Variants in MXI1 observed in about 807,000 individuals in gnomAD.
The protein encoded by MXI1 is max-interacting protein 1.
A neutral mutation model predicts 36.9 loss-of-function variants in MXI1; 18 were observed. The observed-to-expected ratio is 0.49, with a 90% CI of 0.34 to 0.72. The LOEUF is 0.72. Ranked by LOEUF, MXI1 falls within the 30% of genes least tolerant of loss-of-function variation. The pLI, the probability that MXI1 is intolerant of heterozygous loss-of-function variation, is 0.01. For synonymous variants in MXI1, 160 were observed against 146.7 expected (o/e 1.09, Z -0.65); for missense variants, 304 against 379.1 (o/e 0.80, Z 1.64).
intron 3 of MXI1, among the ~76,000 whole-genome samples, chr10:110,256,736 G>T (rs537000276): frequency 6.6e-5 from 10 of 152,078 alleles, no homozygotes; most frequent in Non-Finnish European, 1.3e-4. Context: ...ACCATCTAGG[G>T]TTGCTCACCA....
At chr10:110,281,506 A>G (rs1165197797) in intron 5 of MXI1, among the ~76,000 whole-genome samples, 1 of 152,174 alleles carries the variant, frequency 6.6e-6, no homozygotes, top group Non-Finnish European at 1.5e-5. Context: ...ATATTAATCT[A>G]TAATAATTTT....
intron 1 of MXI1, among the ~76,000 whole-genome samples, chr10:110,219,040 C>T (rs1330324398): frequency 1.3e-5 from 2 of 152,222 alleles, no homozygotes; most frequent in Non-Finnish European, 2.9e-5. Context: ...TGGCTCATGC[C>T]TGTAATCCCA....
In MXI1 at chr10:110,286,805, T is replaced by C. The variant is rs182572924; in HGVS notation, c.*1818T>C. 1.3e-5 allele frequency: 2 copies of C among 152,348 alleles called. No homozygotes were observed. The highest frequency in any genetic ancestry group is 1.3e-4 in the Admixed American group (2 of 15,304). 9.4% of individuals were successfully genotyped at this position (152,348 alleles called of 1,614,324 possible). Reference sequence around the variant, plus strand: ...TTTCCTTGATTGTGCTATGTTTCAGTGGAAGAAATTCTTTGAAGTAGATGT... The same window carrying C: ...TTTCCTTGATTGTGCTATGTTTCAGCGGAAGAAATTCTTTGAAGTAGATGT... On this transcript the variant is annotated 3_prime_UTR_variant, in exon 6 of 6. Coordinates refer to ENST00000332674, the MANE Select transcript of MXI1 (RefSeq NM_130439.3).
chr10:110,261,348 T>G (rs762414723), intron 3 of MXI1, among the ~76,000 whole-genome samples: 2 of 152,062 alleles, frequency 1.3e-5, no homozygotes, highest in Admixed American at 6.6e-5. Flanking sequence ...TATGCTGTGT[T>G]TAATTGCAGC....
chr10:110,277,465 C>T (rs1235643658), intron 3 of MXI1, among the ~76,000 whole-genome samples: 1 of 152,060 alleles, frequency 6.6e-6, no homozygotes, highest in Non-Finnish European at 1.5e-5. Flanking sequence ...TTTTTTTGGT[C>T]TGCTGAGCAA....
chr10:110,279,425 C>T (rs1167720315), intron 4 of MXI1, 131 bp downstream of exon 4: 2 of 728,792 alleles, frequency 2.7e-6, no homozygotes, highest in Non-Finnish European at 2.3e-6. Flanking sequence ...AGAAGTCTTT[C>T]TAAAAACTTA....
At chr10:110,214,021 C>T (rs1048176808) in intron 1 of MXI1, among the ~76,000 whole-genome samples, 9 of 152,188 alleles carry the variant, frequency 5.9e-5, no homozygotes, top group African/African-American at 1.9e-4. Flanking sequence ...CCCTCTTTTA[C>T]GGAGGAGGGA....
rs573003279 is a variant in MXI1 at position 110,255,648 on chromosome 10, T to TA, written c.437+10792dup. On this transcript the variant is annotated intron_variant, in intron 3 of 5. Transcript: ENST00000332674. ...TACACTGAAAACTATTAATACAAAA[T>TA]ACTTTTGAAATAAATTAAGGAAGAC... is the stretch of plus-strand genomic sequence containing the variant. Among the ~76,000 whole-genome samples the TA allele has an allele frequency of 2.0e-5, 3 of 152,276 alleles. No homozygotes were observed. The South Asian group carries it at 6.2e-4, about 32-fold the overall frequency.
intron 3 of MXI1, among the ~76,000 whole-genome samples, chr10:110,253,331 C>T (rs924779452): frequency 1.3e-4 from 19 of 151,840 alleles, no homozygotes; most frequent in Admixed American, 4.6e-4. Flanking sequence ...TTTTGGTCTG[C>T]CTTATCTTAG....
At chr10:110,262,136 T>C (rs573864960) in intron 3 of MXI1, among the ~76,000 whole-genome samples, 5 of 152,200 alleles carry the variant, frequency 3.3e-5, no homozygotes, top group South Asian at 2.1e-4. Context: ...CATCCATGGA[T>C]TCAAACGACT....
chr10:110,261,122 A>C, intron 3 of MXI1: 1 of 985,222 alleles, frequency 1.0e-6, no homozygotes, highest in Non-Finnish European at 1.2e-6. Context: ...GTCTATAAAC[A>C]ATCTGAAGAG....
intron 1 of MXI1, among the ~76,000 whole-genome samples, chr10:110,218,057 T>G (rs1420295369): frequency 6.6e-6 from 1 of 152,114 alleles, no homozygotes; most frequent in Non-Finnish European, 1.5e-5. Context: ...TAATAAATAG[T>G]GGAGTAGAGA....
At chr10:110,271,226 G>C (rs1244963741) in intron 3 of MXI1, among the ~76,000 whole-genome samples, 1 of 151,932 alleles carries the variant, frequency 6.6e-6, no homozygotes, top group Non-Finnish European at 1.5e-5. Context: ...AAAAAAAAAA[G>C]GTTAAGAGTT....
intron 3 of MXI1, among the ~76,000 whole-genome samples, chr10:110,270,303 A>AG (rs1856816021): frequency 6.6e-6 from 1 of 152,222 alleles, no homozygotes; most frequent in Non-Finnish European, 1.5e-5. Flanking sequence ...CAGATAAGAG[A>AG]GGGGAAGTAT....
chr10:110,277,176 A>G (rs1857064769), intron 3 of MXI1, among the ~76,000 whole-genome samples: 1 of 152,224 alleles, frequency 6.6e-6, no homozygotes, highest in South Asian at 2.1e-4. Context: ...AAAATAAAAG[A>G]TAATTCTTAC....
intron 1 of MXI1, among the ~76,000 whole-genome samples, chr10:110,225,791 G>A (rs879603307): frequency 1.2e-4 from 19 of 152,238 alleles, no homozygotes; most frequent in Admixed American, 4.6e-4. Flanking sequence ...CCTAGAGACA[G>A]GAAAGGAAAC....
chr10:110,285,068 G>A lies in MXI1; in HGVS notation c.*81G>A. The stretch of plus-strand genomic sequence containing the variant: ...AAACAATCTCTTAAATTGGGTTCAT[G>A]ATGCAGTCTCCTCTTTAAAACAAAA... On this transcript the variant is annotated 3_prime_UTR_variant, in exon 6 of 6. Transcript: ENST00000332674. 7.4e-7 allele frequency: 1 copy of A among 1,351,944 alleles called. No homozygotes were observed. The highest frequency in any genetic ancestry group is 1.0e-6 in the Non-Finnish European group (1 of 1,000,694). 83.7% of individuals were successfully genotyped at this position (1,351,944 alleles called of 1,614,324 possible). A position where few individuals can be genotyped will look rare whatever the true frequency, so the allele number is the denominator to read the frequency against.
At chr10:110,227,507 C>T in intron 1 of MXI1, 1 of 980,594 alleles carries the variant, frequency 1.0e-6, no homozygotes, top group East Asian at 1.2e-4. Flanking sequence ...AGAGGGTGAC[C>T]GTGGAGAAGC....
At chr10:110,273,575 T>C (rs904722544) in intron 3 of MXI1, among the ~76,000 whole-genome samples, 2 of 151,794 alleles carry the variant, frequency 1.3e-5, no homozygotes, top group African/African-American at 2.4e-5. Flanking sequence ...CTTTGGTATA[T>C]ATGTGTAGGA....
Sources: allele counts gnomAD v4.1 joint callset (sites outside exome capture counted in the v4.1 genomes callset), GRCh38; gene constraint gnomAD v4.1.1; transcripts MANE v1.5; gene names NCBI Gene and HGNC (gene_info 2026-07-23, HGNC 2026-07-21).